The following SAMSN1 variants were observed in gnomAD, a reference collection of about 807,000 sequenced individuals.
The protein encoded by SAMSN1 is SAM domain-containing protein SAMSN-1.
A neutral mutation model predicts 42.0 loss-of-function variants in SAMSN1; 31 were observed. The observed-to-expected ratio is 0.74, with a 90% confidence interval of 0.55 to 1.00. The LOEUF is 1.00. SAMSN1 is among the 50% of genes least tolerant of loss of function. The pLI, the probability that SAMSN1 is intolerant of heterozygous loss-of-function variation, is 0.00. For missense variants in SAMSN1, 464 were observed against 439.4 expected, an observed-to-expected ratio of 1.06 and a Z score of -0.50; for synonymous variants, 178 against 151.9, an observed-to-expected ratio of 1.17 and a Z score of -1.26.
chr21:14,642,577 C>T (rs140551253), intron 2 of SAMSN1, among the ~76,000 whole-genome samples: 405 of 152,276 alleles, frequency 2.7e-3, no homozygotes, highest in Non-Finnish European at 4.5e-3. Context: ...AATTGACAAA[C>T]GCATAAATCT....
chr21:14,653,286 A>G (rs1006248866), intron 1 of SAMSN1, among the ~76,000 whole-genome samples: 11 of 152,074 alleles, frequency 7.2e-5, no homozygotes, highest in African/African-American at 2.7e-4. Context: ...AATATGGTAC[A>G]TATACACAAT....
chr21:14,558,738 G>A (rs564032604), intron 2 of SAMSN1, among the ~76,000 whole-genome samples: 2 of 152,108 alleles, frequency 1.3e-5, no homozygotes, highest in South Asian at 4.2e-4. Context: ...TCTCCTGTAT[G>A]GAGAAATTCA....
intron 2 of SAMSN1, among the ~76,000 whole-genome samples, chr21:14,626,150 A>G (rs899674355): frequency 6.6e-6 from 1 of 152,198 alleles, no homozygotes; most frequent in African/African-American, 2.4e-5. Flanking sequence ...AAAGACTTAC[A>G]TGTCAGACCT....
chr21:14,519,904 A>G (rs2123032321), intron 2 of SAMSN1, among the ~76,000 whole-genome samples: 2 of 152,176 alleles, frequency 1.3e-5, no homozygotes, highest in Middle Eastern at 3.4e-3. Flanking sequence ...TGTGGCCCCT[A>G]CTTTATGAGA....
chr21:14,604,913 C>G (rs1982525101), intron 5 of SAMSN1, among the ~76,000 whole-genome samples: 1 of 152,240 alleles, frequency 6.6e-6, no homozygotes, highest in South Asian at 2.1e-4. Context: ...AAATGAATTA[C>G]TGATCTGCAA....
At chr21:14,505,109 G>GA (rs1006486140) in intron 5 of SAMSN1, among the ~76,000 whole-genome samples, 3 of 151,976 alleles carry the variant, frequency 2.0e-5, no homozygotes, top group African/African-American at 7.3e-5. Context: ...ACAAATCCTG[G>GA]AAACACATCA....
At chr21:14,622,800 C>A (rs1019647222) in intron 2 of SAMSN1, among the ~76,000 whole-genome samples, 1 of 152,102 alleles carries the variant, frequency 6.6e-6, no homozygotes, top group Non-Finnish European at 1.5e-5. Flanking sequence ...AGAAGAGCAA[C>A]TCCAAGACAC....
chr21:14,569,529 T>A (rs1162664882), intron 2 of SAMSN1, among the ~76,000 whole-genome samples: 1 of 152,136 alleles, frequency 6.6e-6, no homozygotes, highest in African/African-American at 2.4e-5. Context: ...TTTTCCCAGA[T>A]TTTTTCTGTT....
chr21:14,651,971 G>A (rs1027421101), intron 1 of SAMSN1, among the ~76,000 whole-genome samples: 19 of 151,820 alleles, frequency 1.3e-4, no homozygotes, highest in African/African-American at 4.4e-4. Context: ...TATAATAAAA[G>A]CTATAAGATA....
intron 1 of SAMSN1, among the ~76,000 whole-genome samples, chr21:14,658,090 G>A (rs1046875700): frequency 6.6e-6 from 1 of 151,808 alleles, no homozygotes; most frequent in African/African-American, 2.4e-5. Flanking sequence ...TTAAGCATTG[G>A]CAGATGGTCA....
At chr21:14,622,351 C>T (rs1025020051) in intron 2 of SAMSN1, among the ~76,000 whole-genome samples, 8 of 152,226 alleles carry the variant, frequency 5.3e-5, no homozygotes, top group South Asian at 4.2e-4. Context: ...TTGAACCCAC[C>T]GCAAAGAAGC....
intron 2 of SAMSN1, among the ~76,000 whole-genome samples, chr21:14,622,513 A>G (rs1426796448): frequency 6.6e-6 from 1 of 152,364 alleles, no homozygotes; most frequent in East Asian, 1.9e-4. Flanking sequence ...ACAGGAAGAA[A>G]GGATATCAGT....
At chr21:14,520,309 G>T (rs1835263578) in intron 2 of SAMSN1, among the ~76,000 whole-genome samples, 1 of 152,172 alleles carries the variant, frequency 6.6e-6, no homozygotes, top group South Asian at 2.1e-4. Context: ...CAAATTTACA[G>T]TTGGGCCACT....
At chr21:14,606,874 T>C (rs1235672709) in intron 5 of SAMSN1, among the ~76,000 whole-genome samples, 1 of 152,222 alleles carries the variant, frequency 6.6e-6, no homozygotes, top group Non-Finnish European at 1.5e-5. Flanking sequence ...TGTTGAGCTA[T>C]GGATTAATAC....
chr21:14,645,543 G>A (rs749381148), intron 1 of SAMSN1, among the ~76,000 whole-genome samples: 1 of 152,218 alleles, frequency 6.6e-6, no homozygotes. Flanking sequence ...AAGAGGGACA[G>A]CTACAAATAA....
At chr21:14,577,236 GTGTATATATATATATATATATATATATA>G (rs1321490411) in intron 2 of SAMSN1, among the ~76,000 whole-genome samples, 1,215 of 30,854 alleles carry the variant, frequency 0.039, 108 homozygotes, top group Non-Finnish European at 0.05. Context: ...ATATATATGT[GTGTATATATATATATATATATATATATA>G]TATATATATA....
chr21:14,583,380 A>G, exon 1 of SAMSN1: 1 of 334,298 alleles, frequency 3.0e-6, no homozygotes, highest in Non-Finnish European at 5.4e-6. Flanking sequence ...AGGAATGGCG[A>G]CAGTGGACAC....
chr21:14,645,468 C>T (rs1213215872), intron 1 of SAMSN1, among the ~76,000 whole-genome samples: 1 of 152,190 alleles, frequency 6.6e-6, no homozygotes, highest in East Asian at 1.9e-4. Context: ...TTGGGATATC[C>T]CCTAAAGCAG....
intron 2 of SAMSN1, among the ~76,000 whole-genome samples, chr21:14,581,827 T>C (rs1462956338): frequency 1.3e-5 from 2 of 152,204 alleles, no homozygotes; most frequent in Non-Finnish European, 2.9e-5. Flanking sequence ...TTCATTATAA[T>C]TGCAATAATT....
Sources: gnomAD v4.1 joint callset for allele counts (sites outside exome capture counted in the v4.1 genomes callset) on GRCh38, gnomAD v4.1.1 for gene constraint, MANE v1.5 for transcripts, NCBI Gene and HGNC (gene_info 2026-07-23, HGNC 2026-07-21) for gene names.